Variants in PLCB1 observed in about 807,000 individuals in gnomAD.
The protein encoded by PLCB1 is phospholipase C beta 1, also known as 1-phosphatidylinositol 4,5-bisphosphate phosphodiesterase beta-1.
PLCB1 carries 46 observed loss-of-function variants against 161.8 expected under a neutral mutation model. The ratio of observed to expected loss-of-function variants is 0.28; its 90% CI spans 0.22 to 0.36. The LOEUF is 0.36. PLCB1 is among the 10% of genes least tolerant of loss of function. PLCB1 has a pLI of 1.00. For missense variants in PLCB1, 1,016 were observed against 1,472.5 expected, an observed-to-expected ratio of 0.69 and a Z score of 5.07; for synonymous variants, 517 against 503.7, an observed-to-expected ratio of 1.03 and a Z score of -0.35.
chr20:8,265,238 G>A (rs1011740089), intron 2 of PLCB1, among the ~76,000 whole-genome samples: 11 of 152,092 alleles, frequency 7.2e-5, no homozygotes, highest in Non-Finnish European at 1.5e-4. Flanking sequence ...CTATTCCTTA[G>A]AGCAGTTGTG....
chr20:8,430,325 A>G (rs142372128), intron 3 of PLCB1, among the ~76,000 whole-genome samples: 1 of 152,148 alleles, frequency 6.6e-6, no homozygotes, highest in African/African-American at 2.4e-5. Context: ...CAAAATCTGT[A>G]CATAATGATT....
rs1376310640 is a variant in PLCB1, at chr20:8,633,143, CACACAT to C, written c.384+4714_384+4719del. Among the ~76,000 whole-genome samples, 18 of 107,396 alleles carry C rather than the reference CACACAT, an allele frequency of 1.7e-4. No homozygotes were observed. The East Asian group carries it at 2.1e-3, about 12-fold the overall frequency. 70.5% of individuals were successfully genotyped at this position (107,396 alleles called of 152,430 possible). ...ACACACACACACACACACACACACA[CACACAT>C]ATTATAAAGAAGGAAGTGATGGCAT... On this transcript the variant is annotated intron_variant, in intron 4 of 31. Coordinates refer to ENST00000338037, the MANE Select transcript of PLCB1 (RefSeq NM_015192.4).
At chr20:8,441,530 T>G (rs1015775553) in intron 3 of PLCB1, among the ~76,000 whole-genome samples, 1 of 152,178 alleles carries the variant, frequency 6.6e-6, no homozygotes, top group South Asian at 2.1e-4. Flanking sequence ...TAAGAAATAA[T>G]AAATAATCTT....
At chr20:8,315,384 G>A (rs1036628599) in intron 2 of PLCB1, among the ~76,000 whole-genome samples, 1 of 152,172 alleles carries the variant, frequency 6.6e-6, no homozygotes, top group Non-Finnish European at 1.5e-5. Flanking sequence ...AATGTCTCTT[G>A]TGGCTCATGG....
chr20:8,802,103 C>G (rs1984310449), intron 31 of PLCB1: 1 of 1,613,274 alleles, frequency 6.2e-7, no homozygotes, highest in African/African-American at 1.3e-5. Flanking sequence ...ATGAGGATCC[C>G]TCTGTTTCCC....
intron 23 of PLCB1, among the ~76,000 whole-genome samples, chr20:8,747,461 G>A (rs1981228940): frequency 6.6e-6 from 1 of 152,210 alleles, no homozygotes; most frequent in African/African-American, 2.4e-5. Context: ...CATCCTGCAA[G>A]TGGAAGTGTG....
At chr20:8,856,515 G>A (rs6086650) in intron 31 of PLCB1, among the ~76,000 whole-genome samples, 42,852 of 152,026 alleles carry the variant, frequency 0.28, 7,362 homozygotes, top group East Asian at 0.65. Context: ...TACTGGGGAG[G>A]CTGAGGCATG....
chr20:8,511,363 A>G (rs1040050682), intron 3 of PLCB1, among the ~76,000 whole-genome samples: 4 of 152,088 alleles, frequency 2.6e-5, no homozygotes, highest in African/African-American at 9.7e-5. Flanking sequence ...TTCTTTATCC[A>G]TTCATTAACT....
At chr20:8,588,675 G>A (rs1201134824) in intron 3 of PLCB1, among the ~76,000 whole-genome samples, 1 of 152,118 alleles carries the variant, frequency 6.6e-6, no homozygotes, top group Non-Finnish European at 1.5e-5. Flanking sequence ...AGAACAAGGA[G>A]AGAGGCTGCA....
At chr20:8,289,717 C>G (rs756509317) in intron 2 of PLCB1, among the ~76,000 whole-genome samples, 2 of 151,950 alleles carry the variant, frequency 1.3e-5, no homozygotes, top group African/African-American at 2.4e-5. Context: ...GTGGATCTCA[C>G]AGTGAATAAA....
chr20:8,724,989 A>G, intron 16 of PLCB1, among the ~76,000 whole-genome samples: 1 of 152,188 alleles, frequency 6.6e-6, no homozygotes, highest in East Asian at 1.9e-4. Context: ...AAAAATATTT[A>G]ATAGGGCTAC....
chr20:8,624,050 T>G (rs1038389934), intron 3 of PLCB1: 1 of 152,196 alleles, frequency 6.6e-6, no homozygotes, highest in Non-Finnish European at 1.5e-5. Context: ...TCCTCCACAA[T>G]GAAATTTGAA....
chr20:8,261,572 T>C (rs1981700379), intron 2 of PLCB1, among the ~76,000 whole-genome samples: 1 of 152,128 alleles, frequency 6.6e-6, no homozygotes, highest in African/African-American at 2.4e-5. Context: ...GAGCCATTAA[T>C]GGTTGACCAG....
At chr20:8,775,214 C>T (rs983934242) in intron 27 of PLCB1, among the ~76,000 whole-genome samples, 2 of 151,730 alleles carry the variant, frequency 1.3e-5, no homozygotes, top group Non-Finnish European at 2.9e-5. Flanking sequence ...TCATAAGGCT[C>T]CCTATGAAAG....
chr20:8,474,344 G>A lies in PLCB1; in HGVS notation c.246+102894G>A, dbSNP rs544995418. Among the ~76,000 whole-genome samples, 4 of 152,304 alleles carry A rather than the reference G, an allele frequency of 2.6e-5. No homozygotes were observed. The South Asian group carries it at 6.2e-4, about 24-fold the overall frequency. On this transcript the variant is annotated intron_variant, in intron 3 of 31. Coordinates refer to ENST00000338037, the MANE Select transcript of PLCB1 (RefSeq NM_015192.4). ...GCGGGAGTGGCATGGACTGGAAGAT[G>A]GGCTGTCAGAGTATGACATTTGAGC...
chr20:8,840,124 G>C (rs1311881567), intron 31 of PLCB1, among the ~76,000 whole-genome samples: 1 of 151,176 alleles, frequency 6.6e-6, no homozygotes, highest in Non-Finnish European at 1.5e-5. Context: ...TCAATGTTCT[G>C]TTCATATCAC....
At chr20:8,539,676 C>CTT (rs1985221725) in intron 3 of PLCB1, among the ~76,000 whole-genome samples, 1 of 90,594 alleles carries the variant, frequency 1.1e-5, no homozygotes, top group Non-Finnish European at 2.1e-5. Flanking sequence ...TTCTTTCTTT[C>CTT]TTTCTTTCTT....
At chr20:8,337,278 T>C (rs1985617183) in intron 2 of PLCB1, among the ~76,000 whole-genome samples, 1 of 152,136 alleles carries the variant, frequency 6.6e-6, no homozygotes. Flanking sequence ...AAATAATTGG[T>C]GAAAGTCACC....
At chr20:8,151,004 CT>C (rs1449525886) in intron 2 of PLCB1, among the ~76,000 whole-genome samples, 1 of 152,132 alleles carries the variant, frequency 6.6e-6, no homozygotes, top group Non-Finnish European at 1.5e-5. Context: ...AGAATATCTG[CT>C]GATCATAAGA....
Sources: gnomAD v4.1 joint callset for allele counts (sites outside exome capture counted in the v4.1 genomes callset) on GRCh38, gnomAD v4.1.1 for gene constraint, MANE v1.5 for transcripts, NCBI Gene and HGNC (gene_info 2026-07-23, HGNC 2026-07-21) for gene names.